The following SPAG9 variants were observed in gnomAD, a reference collection of about 807,000 sequenced individuals.
SPAG9 encodes the protein sperm associated antigen 9.
Under a neutral mutation model 166.5 loss-of-function variants are expected in SPAG9, and 35 were observed. That is an observed-to-expected ratio of 0.21 (90% CI 0.16 to 0.28). The LOEUF (loss-of-function observed/expected upper bound fraction) is 0.28. Ranked by LOEUF, SPAG9 falls within the 10% of genes least tolerant of loss-of-function variation. The probability of loss-of-function intolerance (pLI) is 1.00; values close to 1 mark genes in which losing one functional copy is unlikely to be tolerated. For missense variants in SPAG9, 1,235 were observed against 1,603.3 expected (o/e 0.77, Z 3.92); for synonymous variants, 534 against 565.5 (o/e 0.94, Z 0.79).
At chr17:51,105,696 C>T (rs1346369311) in intron 1 of SPAG9, among the ~76,000 whole-genome samples, 1 of 151,814 alleles carries the variant, frequency 6.6e-6, no homozygotes, top group African/African-American at 2.4e-5. Flanking sequence ...AGTGAAACCT[C>T]GTCTCTACTA....
At chr17:51,063,082 T>C (rs1475941178) in intron 2 of SPAG9, among the ~76,000 whole-genome samples, 1 of 152,196 alleles carries the variant, frequency 6.6e-6, no homozygotes, top group Non-Finnish European at 1.5e-5. Context: ...AGTGGTATTT[T>C]AAGATATTTT....
intron 9 of SPAG9, among the ~76,000 whole-genome samples, chr17:51,008,545 C>T (rs1205489485): frequency 1.3e-5 from 2 of 151,900 alleles, no homozygotes; most frequent in Non-Finnish European, 2.9e-5. Context: ...TTAACATGTC[C>T]CTTTATTTTA....
chr17:51,021,648 C>G (rs1034653166), intron 6 of SPAG9, among the ~76,000 whole-genome samples: 2 of 152,092 alleles, frequency 1.3e-5, no homozygotes, highest in Admixed American at 6.5e-5. Flanking sequence ...ATGTCAATAT[C>G]ATTCTTAATG....
Position 50,964,031 on chromosome 17 carries a change from T to C in SPAG9, c.*2241A>G, listed in dbSNP as rs372935208. On this transcript the variant is annotated 3_prime_UTR_variant, in exon 30 of 30. Coordinates refer to ENST00000262013, the MANE Select transcript of SPAG9 (RefSeq NM_001130528.3). ...GTGCTTATAGTCACATGTGGCCCAATGGATCCAAATGCCTCCTCTGGCTCA... is the reference window on the plus strand; with the variant it reads ...GTGCTTATAGTCACATGTGGCCCAACGGATCCAAATGCCTCCTCTGGCTCA... 2 of 152,314 alleles carry C rather than the reference T, an allele frequency of 1.3e-5. No individual in the cohort carries two copies. The highest frequency in any genetic ancestry group is 3.9e-4 in the East Asian group (2 of 5,184). The allele number at this position is 152,314 out of a possible 1,614,324, so 9.4% of individuals were successfully genotyped here. A position where few individuals can be genotyped will look rare whatever the true frequency, so the allele number is the denominator to read the frequency against.
Position 50,966,093 on chromosome 17 carries a change from G to A in SPAG9, c.*179C>T, listed in dbSNP as rs533006670. Reference sequence around the variant, plus strand: ...CCTATAACACTGGTGCAGTAACACAGCTAGTTCCTCTGTATTGTTATGGTA... The same window carrying A: ...CCTATAACACTGGTGCAGTAACACAACTAGTTCCTCTGTATTGTTATGGTA... On this transcript the variant is annotated 3_prime_UTR_variant, in exon 30 of 30. Transcript: ENST00000262013. 8.5e-6 allele frequency: 5 copies of A among 588,468 alleles called. No homozygotes were observed. The East Asian group carries it at 1.4e-4, about 17-fold the overall frequency. The allele number at this position is 588,468 out of a possible 1,614,324, so 36.5% of individuals were successfully genotyped here. A position where few individuals can be genotyped will look rare whatever the true frequency, so the allele number is the denominator to read the frequency against.
chr17:51,056,503 CT>C (rs780024724), intron 2 of SPAG9, 21 bp from the exon 3 acceptor site: 3 of 1,476,818 alleles, frequency 2.0e-6, no homozygotes, highest in Non-Finnish European at 2.8e-6. Flanking sequence ...GATACATACA[CT>C]TGATCAAAAC....
At chr17:50,979,689 T>G (rs972224754) in intron 26 of SPAG9, 57 bp downstream of exon 26, 1 of 1,511,354 alleles carries the variant, frequency 6.6e-7, no homozygotes, top group Non-Finnish European at 9.1e-7. Context: ...AACACATAGA[T>G]AGATAAAATA....
intron 1 of SPAG9, among the ~76,000 whole-genome samples, chr17:51,116,999 G>T (rs1324908196): frequency 6.6e-6 from 1 of 152,140 alleles, no homozygotes; most frequent in African/African-American, 2.4e-5. Context: ...GCCCAAAGGA[G>T]AGAGTGATGG....
intron 1 of SPAG9, among the ~76,000 whole-genome samples, chr17:51,119,033 C>CAAAAAAAAAAAAAAAAAA (rs3079111): frequency 1.0e-5 from 1 of 96,262 alleles, no homozygotes; most frequent in Non-Finnish European, 2.0e-5. Flanking sequence ...GACTACGTCT[C>CAAAAAAAAAAAAAAAAAA]AAAAAAAAAA....
At chr17:51,020,024 T>C (rs1379512091) in intron 8 of SPAG9, 135 bp downstream of exon 8, 7 of 613,800 alleles carry the variant, frequency 1.1e-5, no homozygotes, top group African/African-American at 5.6e-5. Context: ...GTTTCAAGAA[T>C]AGGAATTAGA....
intron 11 of SPAG9, among the ~76,000 whole-genome samples, chr17:51,005,764 T>C (rs1263554260): frequency 2.0e-5 from 3 of 152,224 alleles, no homozygotes; most frequent in Non-Finnish European, 4.4e-5. Flanking sequence ...GGCAAGAGAA[T>C]CGCTTGAACT....
intron 1 of SPAG9, among the ~76,000 whole-genome samples, chr17:51,119,033 C>CAAAAA (rs3079111): frequency 2.5e-4 from 24 of 96,110 alleles, no homozygotes; most frequent in Admixed American, 4.5e-4. Context: ...GACTACGTCT[C>CAAAAA]AAAAAAAAAA....
chr17:51,120,697 C>A lies in SPAG9; in HGVS notation c.-41G>T, dbSNP rs749358933. 6.6e-7 allele frequency: 1 copy of A among 1,517,030 alleles called. No homozygotes were observed. The allele number at this position is 1,517,030 out of a possible 1,614,324, so 94.0% of individuals were successfully genotyped here. ...GGCGGGCGGCCCGGGGCGTCGCCGG[C>A]AGAGGGGCGGCACCTGCCCGCACGG... On this transcript the variant is annotated 5_prime_UTR_variant, in exon 1 of 30. Transcript: ENST00000262013. This position sits in a 1 kb window ranked among gnomAD's most constrained non-coding sequence, Gnocchi z 4.7.
chr17:51,112,042 T>TA (rs34068050), intron 1 of SPAG9, among the ~76,000 whole-genome samples: 15 of 151,384 alleles, frequency 9.9e-5, no homozygotes, highest in Middle Eastern at 3.2e-3. Context: ...TCTTTGTCTT[T>TA]AAAAAAAAAT....
chr17:51,056,597 T>C (rs1346510934), intron 2 of SPAG9, 115 bp from the exon 3 acceptor site: 1 of 659,430 alleles, frequency 1.5e-6, no homozygotes, highest in Non-Finnish European at 2.7e-6. Flanking sequence ...AGACTCAGTG[T>C]TCCATATGCA....
chr17:51,112,587 C>T (rs2049145662), intron 1 of SPAG9, among the ~76,000 whole-genome samples: 1 of 141,894 alleles, frequency 7.0e-6, no homozygotes, highest in Admixed American at 7.6e-5. Flanking sequence ...AAGAGAATCG[C>T]TTGAACCCAG....
intron 6 of SPAG9, chr17:51,030,914 T>A (rs890718636): frequency 2.9e-5 from 1 of 34,430 alleles, no homozygotes; most frequent in Non-Finnish European, 7.6e-5. Context: ...TGTAGCAGGC[T>A]TTTTTTTTTT....
intron 1 of SPAG9, among the ~76,000 whole-genome samples, chr17:51,116,996 G>A (rs933031576): frequency 2.0e-5 from 3 of 152,144 alleles, no homozygotes; most frequent in Non-Finnish European, 4.4e-5. Context: ...GCAGCCCAAA[G>A]GAGAGAGTGA....
intron 5 of SPAG9, among the ~76,000 whole-genome samples, chr17:51,038,315 G>T (rs970766220): frequency 6.6e-6 from 1 of 152,104 alleles, no homozygotes; most frequent in Non-Finnish European, 1.5e-5. Context: ...AAGGGCTGAC[G>T]AGTACCCCAA....
Sources: allele counts gnomAD v4.1 joint callset (sites outside exome capture counted in the v4.1 genomes callset), GRCh38; gene constraint gnomAD v4.1.1; non-coding constraint Gnocchi (gnomAD v3.1); transcripts MANE v1.5; gene names NCBI Gene and HGNC (gene_info 2026-07-23, HGNC 2026-07-21).